Variants in GABBR2 observed in about 807,000 individuals in gnomAD.
GABBR2 encodes G-protein coupled receptor 51.
GABBR2 carries 23 observed loss-of-function variants against 105.6 expected under a neutral mutation model. The observed-to-expected ratio is 0.22, with a 90% CI of 0.16 to 0.31. The LOEUF (loss-of-function observed/expected upper bound fraction) is 0.31. Among genes scored for constraint, GABBR2 ranks in the 10% least tolerant of loss-of-function variants. The pLI, the probability that GABBR2 is intolerant of heterozygous loss-of-function variation, is 1.00. For missense variants in GABBR2, 734 were observed against 1,245.5 expected (o/e 0.59, Z 6.18); for synonymous variants, 478 against 499.7 (o/e 0.96, Z 0.58).
At chr9:98,409,092 GA>G (rs1832540568) in intron 7 of GABBR2, among the ~76,000 whole-genome samples, 1 of 152,256 alleles carries the variant, frequency 6.6e-6, no homozygotes, top group African/African-American at 2.4e-5. Context: ...GAAGAGCTTG[GA>G]ATGTTCAAGG....
chr9:98,395,958 T>A (rs937523720), intron 8 of GABBR2, among the ~76,000 whole-genome samples: 1 of 152,112 alleles, frequency 6.6e-6, no homozygotes, highest in Non-Finnish European at 1.5e-5. Flanking sequence ...TAAAACAGTG[T>A]GTGGAGTAGG....
At chr9:98,616,274 C>T (rs796765056) in intron 1 of GABBR2, among the ~76,000 whole-genome samples, 7 of 152,336 alleles carry the variant, frequency 4.6e-5, no homozygotes, top group Admixed American at 2.0e-4. Context: ...TTCTCACCCT[C>T]CGGGTCAGGC....
At chr9:98,624,242 G>A (rs1405443441) in intron 1 of GABBR2, among the ~76,000 whole-genome samples, 2 of 152,158 alleles carry the variant, frequency 1.3e-5, no homozygotes, top group Non-Finnish European at 2.9e-5. Context: ...CTCACAGGCA[G>A]CGTGCACAGG....
chr9:98,616,475 C>A (rs1829584440), intron 1 of GABBR2, among the ~76,000 whole-genome samples: 1 of 152,158 alleles, frequency 6.6e-6, no homozygotes, highest in African/African-American at 2.4e-5. Flanking sequence ...AAAAGTTGGC[C>A]GGATGCGGTG....
chr9:98,352,315 G>A (rs1831413276), intron 13 of GABBR2, among the ~76,000 whole-genome samples: 1 of 152,306 alleles, frequency 6.6e-6, no homozygotes, highest in African/African-American at 2.4e-5. Flanking sequence ...GGTGGGCCTA[G>A]GTGGAATGGT....
chr9:98,358,483 T>G (rs879171083), intron 13 of GABBR2, among the ~76,000 whole-genome samples: 61 of 152,334 alleles, frequency 4.0e-4, no homozygotes, highest in African/African-American at 1.4e-3. Context: ...GAGGCCAGAC[T>G]GGCGTCCCTC....
At chr9:98,563,399 C>T (rs16917157) in intron 2 of GABBR2, among the ~76,000 whole-genome samples, 1,803 of 152,220 alleles carry the variant, frequency 0.012, 30 homozygotes, top group African/African-American at 0.038. Flanking sequence ...CTGTGGGCAG[C>T]GAGGGTTACC....
chr9:98,586,488 C>T lies in GABBR2; in HGVS notation c.322-8416G>A, dbSNP rs149957006. ...CTAACTTTCGTATTTTTAGTAGAGA[C>T]GAGGTTCTGCCATGTTGACCAGGCT... On this transcript the variant is annotated intron_variant, in intron 1 of 18. Transcript: ENST00000259455. Among the ~76,000 whole-genome samples, 222 of 152,108 alleles carry T rather than the reference C, an allele frequency of 1.5e-3. 1 individual carries two copies. The highest frequency in any genetic ancestry group is 4.4e-3 in the African/African-American group (181 of 41,500).
At chr9:98,463,959 G>A (rs1036597419) in intron 6 of GABBR2, among the ~76,000 whole-genome samples, 2 of 152,200 alleles carry the variant, frequency 1.3e-5, no homozygotes, top group East Asian at 3.9e-4. Flanking sequence ...AAGCTGGAGT[G>A]CAGTGGCGTG....
At chr9:98,593,115 G>A (rs543492385) in intron 1 of GABBR2, among the ~76,000 whole-genome samples, 1 of 152,170 alleles carries the variant, frequency 6.6e-6, no homozygotes, top group East Asian at 1.9e-4. Context: ...TAAAGCTCTG[G>A]GATTACAGGC....
intron 13 of GABBR2, among the ~76,000 whole-genome samples, chr9:98,339,320 A>G (rs1344173935): frequency 6.6e-6 from 1 of 151,824 alleles, no homozygotes; most frequent in East Asian, 1.9e-4. Context: ...AAAGAAAAAG[A>G]TCCCTCTGTC....
At chr9:98,407,909 G>T (rs1346018917) in intron 7 of GABBR2, among the ~76,000 whole-genome samples, 1 of 152,030 alleles carries the variant, frequency 6.6e-6, no homozygotes, top group Non-Finnish European at 1.5e-5. Context: ...TGTACTAACA[G>T]GAACTCCTCC....
At chr9:98,396,520 G>A (rs1282102444) in intron 8 of GABBR2, among the ~76,000 whole-genome samples, 1 of 152,156 alleles carries the variant, frequency 6.6e-6, no homozygotes. Context: ...AAGGGTCCTC[G>A]CCATTTAGGG....
At chr9:98,520,366 AAGGGGGATTCAT>A (rs1827843385) in intron 3 of GABBR2, among the ~76,000 whole-genome samples, 1 of 152,210 alleles carries the variant, frequency 6.6e-6, no homozygotes, top group Admixed American at 6.5e-5. Context: ...ACGAAACCCC[AAGGGGGATTCAT>A]AGGTGCCTGT....
At chr9:98,354,201 T>C (rs1831448722) in intron 13 of GABBR2, among the ~76,000 whole-genome samples, 1 of 152,238 alleles carries the variant, frequency 6.6e-6, no homozygotes. Flanking sequence ...AACCATGCTG[T>C]AACAGATGTG....
At chr9:98,552,248 G>A (rs1456076974) in intron 2 of GABBR2, 6 of 152,336 alleles carry the variant, frequency 3.9e-5, no homozygotes, top group African/African-American at 1.4e-4. Context: ...TAAGTCCTAG[G>A]TAAGGAACTC....
chr9:98,450,405 G>A (rs1222740571), intron 7 of GABBR2, among the ~76,000 whole-genome samples: 1 of 152,036 alleles, frequency 6.6e-6, no homozygotes, highest in Non-Finnish European at 1.5e-5. Context: ...AACGAAACCT[G>A]TCTACAACCC....
In GABBR2 at chr9:98,480,987, A is replaced by ACAT; in HGVS notation, c.740_742dup (p.Asp247dup). ...GTCAAACTGGCCAAGGATGATCCGCACATCATTCCCCTGTGGATGGAAGGA... is the reference window on the plus strand; with the variant it reads ...GTCAAACTGGCCAAGGATGATCCGCACATCATCATTCCCCTGTGGATGGAAGGA... On this transcript the variant is annotated inframe_insertion, in exon 5 of 19. Transcript: ENST00000259455. The ACAT allele has an allele frequency of 6.2e-7, 1 of 1,601,578 alleles. No individual in the cohort carries two copies. The highest frequency in any genetic ancestry group is 8.6e-7 in the Non-Finnish European group (1 of 1,168,574).
intron 3 of GABBR2, among the ~76,000 whole-genome samples, chr9:98,528,615 TA>T (rs61682192): frequency 4.6e-5 from 7 of 151,290 alleles, no homozygotes; most frequent in Admixed American, 3.9e-4. Context: ...TATAAATCAG[TA>T]AAAAAAAGAA....
Sources: allele counts gnomAD v4.1 joint callset (sites outside exome capture counted in the v4.1 genomes callset), GRCh38; gene constraint gnomAD v4.1.1; transcripts MANE v1.5; gene names NCBI Gene and HGNC (gene_info 2026-07-23, HGNC 2026-07-21).